The following PPP1R37 variants were observed in gnomAD, a reference collection of about 807,000 sequenced individuals.
The protein encoded by PPP1R37 is leucine rich repeat containing 68.
Under a neutral mutation model 61.0 loss-of-function variants are expected in PPP1R37, and 21 were observed. The observed-to-expected ratio is 0.34, with a 90% confidence interval of 0.24 to 0.50. The LOEUF is 0.50. PPP1R37 is among the 20% of genes least tolerant of loss of function. The probability of loss-of-function intolerance (pLI) is 0.98; values close to 1 mark genes in which losing one functional copy is unlikely to be tolerated. For missense variants in PPP1R37, 910 were observed against 952.7 expected (o/e 0.96, Z 0.59); for synonymous variants, 443 against 433.5 (o/e 1.02, Z -0.27).
chr19:45,113,288 G>C (rs1408716459), intron 1 of PPP1R37, among the ~76,000 whole-genome samples: 2 of 152,242 alleles, frequency 1.3e-5, no homozygotes, highest in Non-Finnish European at 2.9e-5. Flanking sequence ...GGCTGTATGG[G>C]GGCCACTGTG....
Position 45,146,446 on chromosome 19 carries a change from CA to C in PPP1R37, c.2051del (p.Gln684ArgfsTer27), listed in dbSNP as rs1302101342. ...ELEELLLEAS[Q>X]ESGQETL is the part of the protein sequence containing the mutation. ...CGAGGAGCTGCTTCTGGAAGCCAGT[CA>C]GGAATCCGGGCAGGAGACACTGTGA... On this transcript the variant is annotated frameshift_variant, in exon 12 of 13. Transcript: ENST00000221462. LOFTEE classifies it high-confidence loss of function. 6.5e-6 allele frequency: 10 copies of C among 1,535,714 alleles called. No homozygotes were observed. The highest frequency in any genetic ancestry group is 1.4e-5 in the African/African-American group (1 of 73,048).
intron 8 of PPP1R37, 188 bp from the exon 9 acceptor site, chr19:45,144,666 C>T (rs1968659988): frequency 1.8e-6 from 1 of 555,674 alleles, no homozygotes; most frequent in South Asian, 2.4e-5. Context: ...TTTGGGGAGA[C>T]TTCAGGCACA....
intron 2 of PPP1R37, among the ~76,000 whole-genome samples, chr19:45,139,493 C>A (rs1328497020): frequency 3.3e-5 from 5 of 152,380 alleles, no homozygotes; most frequent in Non-Finnish European, 7.3e-5. Context: ...GGGCCCCGGC[C>A]TGGCGCCTAG....
intron 1 of PPP1R37, among the ~76,000 whole-genome samples, chr19:45,126,561 A>G (rs898158386): frequency 6.6e-6 from 1 of 151,940 alleles, no homozygotes; most frequent in African/African-American, 2.4e-5. Flanking sequence ...GTGTGACTTT[A>G]TTGCACCCTC....
At chr19:45,141,605 G>A (rs1003516951) in intron 5 of PPP1R37, among the ~76,000 whole-genome samples, 164 bp downstream of exon 5, 5 of 152,134 alleles carry the variant, frequency 3.3e-5, no homozygotes, top group Non-Finnish European at 5.9e-5. Flanking sequence ...GGGCCGAGAG[G>A]TGTCCTGGCC....
chr19:45,123,989 T>C (rs534122306), intron 1 of PPP1R37, among the ~76,000 whole-genome samples: 1 of 152,288 alleles, frequency 6.6e-6, no homozygotes, highest in South Asian at 2.1e-4. Context: ...CTCACTCACC[T>C]TCTCTGTGCC....
At chr19:45,105,450 C>A (rs1968117950) in intron 1 of PPP1R37, among the ~76,000 whole-genome samples, 1 of 152,198 alleles carries the variant, frequency 6.6e-6, no homozygotes, top group African/African-American at 2.4e-5. Context: ...ATGTAGGACA[C>A]CGCACCATTT....
Position 45,144,947 on chromosome 19 carries a change from C to T in PPP1R37, c.1081C>T (p.Arg361Cys), listed in dbSNP as rs568909277. 6 of 1,535,592 alleles carry T rather than the reference C, an allele frequency of 3.9e-6. No individual in the cohort carries two copies. Among genetic ancestry groups the T allele is most frequent in the East Asian group, 2.4e-5 (1 of 40,918 alleles). ...CCTCAAGAACGGGCTCATCAGCAAC[C>T]GCAGCGTGCTGCGCCTCGGGCTGGC... ...RHLKNGLISN[R>C]SVLRLGLAST... is the part of the protein sequence containing the mutation. Residue 361 changes from arginine to cysteine, a missense_variant, in exon 9 of 13, where the codon CGC becomes TGC. This residue lies in a region of PPP1R37 where 549 missense variants were observed against 505.1 expected (regional missense o/e 1.09). Transcript: ENST00000221462.
At chr19:45,112,994 CT>C (rs1289660884) in intron 1 of PPP1R37, among the ~76,000 whole-genome samples, 1 of 152,202 alleles carries the variant, frequency 6.6e-6, no homozygotes, top group Non-Finnish European at 1.5e-5. Flanking sequence ...TTCAAGATTC[CT>C]TTACCTGTGC....
chr19:45,111,303 C>A (rs1968197446), intron 1 of PPP1R37, among the ~76,000 whole-genome samples: 1 of 151,802 alleles, frequency 6.6e-6, no homozygotes, highest in South Asian at 2.1e-4. Context: ...GAGACAGAGT[C>A]TTACTCTGTC....
intron 1 of PPP1R37, among the ~76,000 whole-genome samples, chr19:45,123,087 G>A (rs879861794): frequency 1.3e-5 from 2 of 151,972 alleles, no homozygotes; most frequent in Admixed American, 6.6e-5. Flanking sequence ...CATCCTCCCC[G>A]CCTCCATGTC....
intron 1 of PPP1R37, among the ~76,000 whole-genome samples, chr19:45,107,537 G>A (rs1968148002): frequency 6.6e-6 from 1 of 152,172 alleles, no homozygotes; most frequent in South Asian, 2.1e-4. Context: ...CCAGGAGGTC[G>A]AGGCTGCAAT....
At position 45,138,625 on chromosome 19, in the gene PPP1R37, AGGGT is replaced by A; in HGVS notation, c.300+20_300+23del. ...AGGCAGCTGCAGGTATGGGCGGGACAGGGTGGGTGCGTCCGGTGTGGGTGTCAAG... is the reference window on the plus strand; with the variant it reads ...AGGCAGCTGCAGGTATGGGCGGGACAGGGTGCGTCCGGTGTGGGTGTCAAG... On this transcript the variant is annotated intron_variant, in intron 2 of 12. Coordinates refer to ENST00000221462, the MANE Select transcript of PPP1R37 (RefSeq NM_019121.2). 3.4e-6 allele frequency: 2 copies of A among 593,636 alleles called. No individual in the cohort carries two copies. Among genetic ancestry groups the A allele is most frequent in the Non-Finnish European group, 5.9e-6 (2 of 337,714 alleles). The allele number at this position is 593,636 out of a possible 1,614,324, so 36.8% of individuals were successfully genotyped here. A position where few individuals can be genotyped will look rare whatever the true frequency, so the allele number is the denominator to read the frequency against.
intron 3 of PPP1R37, 32 bp downstream of exon 3, chr19:45,140,313 G>A: frequency 1.3e-6 from 2 of 1,533,134 alleles, no homozygotes; most frequent in Middle Eastern, 1.7e-4. Flanking sequence ...GAGAGCCCTT[G>A]GGTCATGGGC....
chr19:45,118,931 G>A (rs781707973), intron 1 of PPP1R37, among the ~76,000 whole-genome samples: 1 of 151,014 alleles, frequency 6.6e-6, no homozygotes, highest in Non-Finnish European at 1.5e-5. Context: ...TGGGTTCCTT[G>A]TGGGCCACCG....
chr19:45,123,268 G>A (rs1294965253), intron 1 of PPP1R37, among the ~76,000 whole-genome samples: 2 of 152,140 alleles, frequency 1.3e-5, no homozygotes, highest in Non-Finnish European at 2.9e-5. Flanking sequence ...CCCCAGGCTG[G>A]ACCAGGTGCC....
rs371003156 is a variant in PPP1R37, at chr19:45,117,751, A to G, written c.203-20763A>G. On this transcript the variant is annotated intron_variant, in intron 1 of 12. Coordinates refer to ENST00000221462, the MANE Select transcript of PPP1R37 (RefSeq NM_019121.2). ...CAGGCCAGTGGGGCTACCCGAGCAA[A>G]GGCTTAGGGCAGCTGGTAGACCGGG... 3.9e-5 allele frequency among the ~76,000 whole-genome samples: 6 copies of G among 152,268 alleles called. No homozygotes were observed. In the East Asian group the frequency reaches 1.2e-3, roughly 29 times the overall value.
At chr19:45,146,134 GT>G (rs1347792489) in intron 11 of PPP1R37, 85 bp downstream of exon 11, 16 of 1,353,452 alleles carry the variant, frequency 1.2e-5, no homozygotes, top group Non-Finnish European at 1.5e-5. Context: ...GTGGACCTCA[GT>G]TTCCCCCTCT....
At chr19:45,094,018 G>C (rs10405721) in intron 1 of PPP1R37, among the ~76,000 whole-genome samples, 62 of 152,260 alleles carry the variant, frequency 4.1e-4, no homozygotes, top group African/African-American at 1.4e-3. Context: ...TGGCTGGAAA[G>C]AGGGAGACTA....
Sources: allele counts gnomAD v4.1 joint callset (sites outside exome capture counted in the v4.1 genomes callset), GRCh38; gene constraint gnomAD v4.1.1; regional missense constraint gnomAD v4.1.1; transcripts MANE v1.5; gene names NCBI Gene and HGNC (gene_info 2026-07-23, HGNC 2026-07-21).